Variants in MTMR9 observed in about 807,000 individuals in gnomAD.
MTMR9 encodes the protein myotubularin-related protein 9.
Under a neutral mutation model 69.5 loss-of-function variants are expected in MTMR9, and 39 were observed. That is an observed-to-expected ratio of 0.56 (90% CI 0.43 to 0.73). The LOEUF is 0.73. MTMR9 is among the 30% of genes least tolerant of loss of function. The pLI is 0.00. For missense variants in MTMR9, 900 were observed against 671.2 expected (o/e 1.34, Z -3.77); for synonymous variants, 354 against 240.8 (o/e 1.47, Z -4.35).
In MTMR9 at chr8:11,285,209, G is replaced by A. The variant is rs143411422; in HGVS notation, c.182+139G>A. On this transcript the variant is annotated intron_variant, in intron 1 of 9. Coordinates refer to ENST00000221086, the MANE Select transcript of MTMR9 (RefSeq NM_015458.4). ...TGAGCCCTCTGTGGCCTAGAATCAG[G>A]ATTTACCAAGCTGAAACCCGTCCAG... is the stretch of plus-strand genomic sequence containing the variant. 258 of 854,396 alleles carry A rather than the reference G, an allele frequency of 3.0e-4. No homozygotes were observed. In the African/African-American group the frequency reaches 4.1e-3, roughly 14 times the overall value. 52.9% of individuals were successfully genotyped at this position (854,396 alleles called of 1,614,324 possible). A position where few individuals can be genotyped will look rare whatever the true frequency, so the allele number is the denominator to read the frequency against.
chr8:11,330,685 A>T (rs1801178868), downstream of MTMR9, among the ~76,000 whole-genome samples: 1 of 152,092 alleles, frequency 6.6e-6, no homozygotes, highest in African/African-American at 2.4e-5. Context: ...GGGCGGTGCA[A>T]GATGTGCTTT....
chr8:11,285,068 G>T lies in MTMR9; in HGVS notation c.180G>T (p.Lys60Asn). ...LLHSNIDAID[K>N]RFVGSLGTII... ...ATTCAAACATCGACGCCATCGACAA[G>T]CGGTGAGTGCCCGCCCCACCCCAGC... The change falls in exon 1 of 10, where the codon AAG becomes AAT. Residue 60 changes from lysine (K) to asparagine (N), a missense_variant and splice_region_variant. By Grantham distance (94) the Lys-to-Asn change is moderately conservative. Transcript: ENST00000221086. The T allele has an allele frequency of 1.2e-6, 2 of 1,603,058 alleles. No individual in the cohort carries two copies. Among genetic ancestry groups the T allele is most frequent in the Non-Finnish European group, 1.7e-6 (2 of 1,173,832 alleles).
intron 8 of MTMR9, chr8:11,318,873 C>T (rs1282906620): frequency 1.3e-5 from 2 of 152,044 alleles, no homozygotes; most frequent in Non-Finnish European, 2.9e-5. Context: ...AGATTTGACT[C>T]AACCTCCACT....
At chr8:11,317,620 G>C (rs1800482161) in intron 8 of MTMR9, 2 of 152,164 alleles carry the variant, frequency 1.3e-5, no homozygotes, top group Non-Finnish European at 2.9e-5. Context: ...CTGGTCCATG[G>C]CCTGGGGTTT....
Position 11,306,392 on chromosome 8 carries a change from A to C in MTMR9, c.794A>C (p.His265Pro). ...CATTATCCTCAGTGGAGGCGAATTCATAAGTCCATTGAGAGGTAAAAGATT... is the reference window on the plus strand; with the variant it reads ...CATTATCCTCAGTGGAGGCGAATTCCTAAGTCCATTGAGAGGTAAAAGATT... ...EAHYPQWRRI[H>P]KSIERYHILQ... The change falls in exon 5 of 10, where the codon CAT (histidine) becomes CCT (proline). Residue 265 changes from histidine (H) to proline (P), a missense_variant. Coordinates refer to ENST00000221086, the MANE Select transcript of MTMR9 (RefSeq NM_015458.4). 1 of 1,613,958 alleles carries C rather than the reference A, an allele frequency of 6.2e-7. No homozygotes were observed. The highest frequency in any genetic ancestry group is 8.5e-7 in the Non-Finnish European group (1 of 1,179,858).
intron 6 of MTMR9, among the ~76,000 whole-genome samples, chr8:11,312,620 A>G (rs1249604059): frequency 6.6e-6 from 1 of 152,218 alleles, no homozygotes; most frequent in Non-Finnish European, 1.5e-5. Flanking sequence ...TGTGGAATCA[A>G]CTTCTTCCAA....
Position 11,314,991 on chromosome 8 carries a change from C to T in MTMR9, c.1040C>T (p.Ala347Val), listed in dbSNP as rs142274636. ...TDSTLQVTSL[A>V]QIILEPRSRT... ...TCCACACTCCAGGTGACCTCCTTGGCCCAGATCATCTTAGAGCCAAGAAGC... is the reference window on the plus strand; with the variant it reads ...TCCACACTCCAGGTGACCTCCTTGGTCCAGATCATCTTAGAGCCAAGAAGC... The change falls in exon 7 of 10, where the codon GCC (alanine) becomes GTC (valine). Residue 347 changes from alanine to valine, a missense_variant. Ala to Val is a moderately conservative substitution (Grantham distance 64, BLOSUM62 0). Transcript: ENST00000221086. 128 of 1,613,978 alleles carry T rather than the reference C, an allele frequency of 7.9e-5. No individual in the cohort carries two copies. The highest frequency in any genetic ancestry group is 1.1e-4 in the Non-Finnish European group (124 of 1,179,918).
chr8:11,303,486 AT>A (rs1006167317), intron 3 of MTMR9, among the ~76,000 whole-genome samples: 4 of 152,044 alleles, frequency 2.6e-5, no homozygotes, highest in African/African-American at 9.7e-5. Context: ...AGATAACTAC[AT>A]TTTTTTAAAA....
chr8:11,307,392 A>T (rs2117413403), intron 5 of MTMR9, among the ~76,000 whole-genome samples: 1 of 152,246 alleles, frequency 6.6e-6, no homozygotes, highest in Non-Finnish European at 1.5e-5. Flanking sequence ...TTTAAGGCTG[A>T]ATAGTATTTT....
At chr8:11,335,595 C>T in the MTMR9 span, among the ~76,000 whole-genome samples, 1 of 152,150 alleles carries the variant, frequency 6.6e-6, no homozygotes, top group African/African-American at 2.4e-5. Flanking sequence ...TAATAGCCAA[C>T]ACAATATTGA....
At chr8:11,296,386 C>A (rs1260934128) in intron 2 of MTMR9, among the ~76,000 whole-genome samples, 1 of 152,056 alleles carries the variant, frequency 6.6e-6, no homozygotes, top group Non-Finnish European at 1.5e-5. Context: ...TATGGTGATG[C>A]TTTTTTAAAA....
chr8:11,339,033 A>G, the MTMR9 span, among the ~76,000 whole-genome samples: 2 of 152,206 alleles, frequency 1.3e-5, no homozygotes, highest in Non-Finnish European at 2.9e-5. Context: ...GTTATAGGAC[A>G]TTGTGTGCCC....
chr8:11,291,653 T>C (rs1799384094), intron 1 of MTMR9, among the ~76,000 whole-genome samples: 1 of 152,134 alleles, frequency 6.6e-6, no homozygotes, highest in South Asian at 2.1e-4. Flanking sequence ...ACAATTATTT[T>C]TAACTCCTCT....
chr8:11,285,528 C>T (rs1177885691), intron 1 of MTMR9, among the ~76,000 whole-genome samples: 48 of 152,002 alleles, frequency 3.2e-4, no homozygotes, highest in Admixed American at 3.1e-3. Flanking sequence ...TTTTTAATTT[C>T]TGAAAAATGT....
At chr8:11,304,724 CCTGAGAAATGG>C (rs1481307917) in intron 3 of MTMR9, 106 bp from the exon 4 acceptor site, 30 of 1,005,574 alleles carry the variant, frequency 3.0e-5, no homozygotes, top group Non-Finnish European at 8.9e-6. Flanking sequence ...CTGTGAAATT[CCTGAGAAATGG>C]CTTCTTCATC....
chr8:11,332,494 A>G (rs1297137687), downstream of MTMR9, among the ~76,000 whole-genome samples: 1 of 152,304 alleles, frequency 6.6e-6, no homozygotes, highest in Non-Finnish European at 1.5e-5. Flanking sequence ...CAATAAAAAT[A>G]TAAAAATTAT....
At chr8:11,311,731 C>G (rs1010221448) in intron 6 of MTMR9, among the ~76,000 whole-genome samples, 4 of 152,170 alleles carry the variant, frequency 2.6e-5, no homozygotes, top group Admixed American at 2.6e-4. Context: ...ATTGCCGCAT[C>G]AATTGACTCT....
chr8:11,297,709 C>T (rs555725025), intron 2 of MTMR9, among the ~76,000 whole-genome samples: 1 of 152,170 alleles, frequency 6.6e-6, no homozygotes, highest in East Asian at 1.9e-4. Flanking sequence ...TGACGCTGAT[C>T]AGTTGTTTAA....
At chr8:11,291,601 A>T (rs768889225) in intron 1 of MTMR9, among the ~76,000 whole-genome samples, 1 of 152,124 alleles carries the variant, frequency 6.6e-6, no homozygotes, top group African/African-American at 2.4e-5. Context: ...TGAATGGAGA[A>T]TACCTTAATA....
Sources: allele counts gnomAD v4.1 joint callset (sites outside exome capture counted in the v4.1 genomes callset), GRCh38; gene constraint gnomAD v4.1.1; transcripts MANE v1.5; gene names NCBI Gene and HGNC (gene_info 2026-07-23, HGNC 2026-07-21).